Variants in RABGAP1L observed in about 807,000 individuals in gnomAD.
The protein encoded by RABGAP1L is RAB GTPase activating protein 1 like, also known as rab GTPase-activating protein 1-like.
RABGAP1L carries 63 observed loss-of-function variants against 137.7 expected under a neutral mutation model. That is an observed-to-expected ratio of 0.46 (90% confidence interval 0.37 to 0.56). The LOEUF is 0.56. RABGAP1L is among the 20% of genes least tolerant of loss of function. The pLI, the probability that RABGAP1L is intolerant of heterozygous loss-of-function variation, is 0.00. For synonymous variants in RABGAP1L, 431 were observed against 433.7 expected, an observed-to-expected ratio of 0.99 and a Z score of 0.08; for missense variants, 1,095 against 1,244.0, an observed-to-expected ratio of 0.88 and a Z score of 1.80.
intron 20 of RABGAP1L, among the ~76,000 whole-genome samples, chr1:174,960,339 A>G (rs1219356385): frequency 6.6e-6 from 1 of 152,070 alleles, no homozygotes; most frequent in Non-Finnish European, 1.5e-5. Flanking sequence ...GTAGCTCTCA[A>G]CAGTCATACT....
intron 11 of RABGAP1L, among the ~76,000 whole-genome samples, chr1:174,314,662 C>T (rs1679200043): frequency 6.6e-6 from 1 of 151,910 alleles, no homozygotes; most frequent in Non-Finnish European, 1.5e-5. Context: ...CTTTGTACTG[C>T]TTTTGCTGGG....
chr1:174,486,226 T>C lies in RABGAP1L; in HGVS notation c.1710+92081T>C, dbSNP rs1331615271. 2.9e-5 allele frequency among the ~76,000 whole-genome samples: 4 copies of C among 136,318 alleles called. No individual in the cohort carries two copies. The East Asian group carries it at 7.8e-4, about 27-fold the overall frequency. 89.4% of individuals were successfully genotyped at this position (136,318 alleles called of 152,430 possible). A position where few individuals can be genotyped will look rare whatever the true frequency, so the allele number is the denominator to read the frequency against. On this transcript the variant is annotated intron_variant, in intron 13 of 25. Coordinates refer to ENST00000681986, the MANE Select transcript of RABGAP1L (RefSeq NM_001366446.1). ...TCTATTTATTTGGTTCTTTTTTCTT[T>C]TTTTTTTTTTTTTGTCTGGCTAAAT... is the stretch of plus-strand genomic sequence containing the variant.
Position 174,482,513 on chromosome 1 carries a change from CAG to C in RABGAP1L, c.1710+88371_1710+88372del, listed in dbSNP as rs1249583053. Among the ~76,000 whole-genome samples the C allele has an allele frequency of 5.3e-5, 8 of 152,290 alleles. No homozygotes were observed. In the East Asian group the frequency reaches 1.5e-3, roughly 29 times the overall value. ...TTCTTTCTTTTTGTATGTTGTAAAA[CAG>C]AGTCTTGCTCTGTTGCCCAGACTGG... On this transcript the variant is annotated intron_variant, in intron 13 of 25. Coordinates refer to ENST00000681986, the MANE Select transcript of RABGAP1L (RefSeq NM_001366446.1).
chr1:174,327,031 G>C (rs115186163), intron 11 of RABGAP1L, among the ~76,000 whole-genome samples: 1 of 152,124 alleles, frequency 6.6e-6, no homozygotes, highest in Non-Finnish European at 1.5e-5. Flanking sequence ...GGAATTCCCT[G>C]TAACCAGATC....
In RABGAP1L at chr1:174,561,681, A is replaced by G. The variant is rs186024232; in HGVS notation, c.1711-75694A>G. Among the ~76,000 whole-genome samples the G allele has an allele frequency of 9.8e-5, 15 of 152,326 alleles. No individual in the cohort carries two copies. In the East Asian group the frequency reaches 2.7e-3, roughly 27 times the overall value. ...CAGATACATAGACCAATGGAACAGA[A>G]CAGAGGCCTCAGAAATAACACCACA... On this transcript the variant is annotated intron_variant, in intron 13 of 25. Transcript: ENST00000681986.
intron 18 of RABGAP1L, among the ~76,000 whole-genome samples, chr1:174,758,784 G>A (rs1466999889): frequency 1.3e-5 from 2 of 151,986 alleles, no homozygotes; most frequent in African/African-American, 4.8e-5. Flanking sequence ...CGGCTTGGAT[G>A]TTTCACAGGC....
At chr1:174,228,012 C>G (rs1670333064) in intron 3 of RABGAP1L, among the ~76,000 whole-genome samples, 1 of 152,102 alleles carries the variant, frequency 6.6e-6, no homozygotes, top group African/African-American at 2.4e-5. Context: ...AATTTAGAAA[C>G]TGCTGTTATA....
intron 13 of RABGAP1L, among the ~76,000 whole-genome samples, chr1:174,449,428 C>A (rs947949438): frequency 1.3e-5 from 2 of 151,970 alleles, no homozygotes; most frequent in Non-Finnish European, 2.9e-5. Context: ...TATTAGTGTG[C>A]AGTAATAGGA....
chr1:174,617,036 A>G (rs887918222), intron 13 of RABGAP1L, among the ~76,000 whole-genome samples: 13 of 152,218 alleles, frequency 8.5e-5, no homozygotes, highest in African/African-American at 2.9e-4. Context: ...ACAAGAAGTA[A>G]GTAGAGAAGG....
intron 24 of RABGAP1L, among the ~76,000 whole-genome samples, chr1:174,985,138 T>G (rs193154854): frequency 1.3e-5 from 2 of 152,162 alleles, no homozygotes; most frequent in Admixed American, 6.5e-5. Context: ...TCCAACACTT[T>G]GGGGAGGCTG....
intron 10 of RABGAP1L, among the ~76,000 whole-genome samples, chr1:174,282,806 C>T (rs944508066): frequency 5.9e-5 from 9 of 152,046 alleles, no homozygotes; most frequent in South Asian, 2.1e-4. Flanking sequence ...GGTCATCTTC[C>T]CACACCTCTC....
intron 13 of RABGAP1L, among the ~76,000 whole-genome samples, chr1:174,535,829 T>G (rs1431865359): frequency 1.3e-5 from 2 of 152,158 alleles, no homozygotes; most frequent in Non-Finnish European, 2.9e-5. Flanking sequence ...AAACTCAAAA[T>G]GTCTCATGAG....
intron 7 of RABGAP1L, among the ~76,000 whole-genome samples, chr1:174,255,796 G>A (rs1473361759): frequency 6.6e-6 from 1 of 152,182 alleles, no homozygotes; most frequent in East Asian, 1.9e-4. Flanking sequence ...AAAGTGCTGG[G>A]ATTACAGGCA....
chr1:174,705,044 A>G (rs1679948874), intron 17 of RABGAP1L, among the ~76,000 whole-genome samples: 1 of 152,172 alleles, frequency 6.6e-6, no homozygotes, highest in Admixed American at 6.5e-5. Flanking sequence ...TATATATAGT[A>G]TGAGCTTGCA....
chr1:174,455,565 G>A (rs535459295), intron 13 of RABGAP1L, among the ~76,000 whole-genome samples: 6 of 152,056 alleles, frequency 3.9e-5, no homozygotes, highest in Admixed American at 2.0e-4. Context: ...GAATGTTTAT[G>A]TACATACTCT....
chr1:174,365,472 C>T (rs1407284549), intron 11 of RABGAP1L, among the ~76,000 whole-genome samples: 4 of 152,010 alleles, frequency 2.6e-5, no homozygotes, highest in East Asian at 1.9e-4. Context: ...CATTTCAGCC[C>T]GCAGTGTTGA....
At chr1:174,890,827 G>A (rs1435272150) in intron 19 of RABGAP1L, among the ~76,000 whole-genome samples, 1 of 151,962 alleles carries the variant, frequency 6.6e-6, no homozygotes, top group African/African-American at 2.4e-5. Flanking sequence ...TCATTTGAAA[G>A]CTACATAGTA....
chr1:174,190,773 C>T (rs1042786125), intron 1 of RABGAP1L, among the ~76,000 whole-genome samples: 7 of 152,340 alleles, frequency 4.6e-5, no homozygotes, highest in South Asian at 2.1e-4. Flanking sequence ...GGCCTGTCTC[C>T]GCATTCAACA....
chr1:174,698,465 T>TA (rs1339041829), intron 15 of RABGAP1L, among the ~76,000 whole-genome samples: 1 of 152,144 alleles, frequency 6.6e-6, no homozygotes, highest in Non-Finnish European at 1.5e-5. Context: ...TTACCAAAAT[T>TA]TAAAATGCAT....
Sources: allele counts gnomAD v4.1 joint callset (sites outside exome capture counted in the v4.1 genomes callset), GRCh38; gene constraint gnomAD v4.1.1; transcripts MANE v1.5; gene names NCBI Gene and HGNC (gene_info 2026-07-23, HGNC 2026-07-21).